TYW1B: variants seen among roughly 807,000 people sequenced by gnomAD.
TYW1B encodes tRNA-yW synthesizing protein 1 homolog B.
TYW1B carries 73 observed loss-of-function variants against 86.9 expected under a neutral mutation model. The observed-to-expected ratio is 0.84, with a 90% confidence interval of 0.70 to 1.02. TYW1B has a LOEUF of 1.02. Among genes scored for constraint, TYW1B ranks in the 50% least tolerant of loss-of-function variants. The pLI is 0.00. For synonymous variants in TYW1B, 248 were observed against 292.8 expected (o/e 0.85, Z 1.56); for missense variants, 637 against 827.4 (o/e 0.77, Z 2.82).
At chr7:72,760,725 T>C (rs1274447216) in intron 7 of TYW1B, among the ~76,000 whole-genome samples, 4 of 152,172 alleles carry the variant, frequency 2.6e-5, no homozygotes, top group Admixed American at 2.0e-4. Context: ...AAAATTAAAA[T>C]ATCTTCAAAT....
At chr7:72,667,556 A>T (rs1813496811) in intron 11 of TYW1B, among the ~76,000 whole-genome samples, 1 of 152,164 alleles carries the variant, frequency 6.6e-6, no homozygotes, top group African/African-American at 2.4e-5. Context: ...TCTATAAAAA[A>T]TACAAAAATT....
At chr7:72,659,670 C>T (rs561770163) in intron 11 of TYW1B, among the ~76,000 whole-genome samples, 71 of 152,110 alleles carry the variant, frequency 4.7e-4, no homozygotes, top group Non-Finnish European at 9.6e-4. Context: ...GGTGTGCAAA[C>T]CGGGTGGTGG....
chr7:72,821,462 G>C (rs186127577), intron 2 of TYW1B, among the ~76,000 whole-genome samples: 2 of 152,376 alleles, frequency 1.3e-5, no homozygotes, highest in East Asian at 3.9e-4. Flanking sequence ...AAACAATTCT[G>C]TAATCCTCAT....
intron 9 of TYW1B, among the ~76,000 whole-genome samples, chr7:72,719,631 C>CAAAAA (rs67560586): frequency 3.2e-4 from 21 of 64,936 alleles, no homozygotes; most frequent in Non-Finnish European, 3.8e-4. Context: ...ATTCCGTCTC[C>CAAAAA]AAAAAAAAAA....
intron 10 of TYW1B, among the ~76,000 whole-genome samples, chr7:72,701,650 T>G (rs1814477993): frequency 6.6e-6 from 1 of 152,212 alleles, no homozygotes. Flanking sequence ...ACTTTGGTTT[T>G]GGGCATATTG....
intron 13 of TYW1B, among the ~76,000 whole-genome samples, chr7:72,592,483 T>C (rs1200226223): frequency 6.6e-6 from 1 of 151,964 alleles, no homozygotes; most frequent in African/African-American, 2.4e-5. Context: ...ATTCAGAAAA[T>C]GAGACAAAAA....
chr7:72,653,377 C>G (rs528858466), intron 11 of TYW1B, among the ~76,000 whole-genome samples: 1 of 152,022 alleles, frequency 6.6e-6, no homozygotes, highest in Non-Finnish European at 1.5e-5. Context: ...GAGGCCGAGG[C>G]GGGCGGATCA....
At chr7:72,776,854 G>A (rs1447951353) in intron 7 of TYW1B, among the ~76,000 whole-genome samples, 5 of 151,684 alleles carry the variant, frequency 3.3e-5, no homozygotes, top group Non-Finnish European at 5.9e-5. Context: ...GTACCAGACC[G>A]ACAGTTTCTT....
chr7:72,679,960 T>C (rs558652401), intron 11 of TYW1B, among the ~76,000 whole-genome samples: 8 of 152,262 alleles, frequency 5.3e-5, no homozygotes, highest in Admixed American at 2.6e-4. Flanking sequence ...TGAGACCGTA[T>C]CTCTACAAAA....
intron 9 of TYW1B, among the ~76,000 whole-genome samples, chr7:72,714,798 T>A (rs1786747431): frequency 6.6e-6 from 1 of 152,112 alleles, no homozygotes; most frequent in African/African-American, 2.4e-5. Context: ...ATGCCAGTAA[T>A]CCCAGCTACT....
At chr7:72,733,257 G>A (rs2129571128) in intron 8 of TYW1B, among the ~76,000 whole-genome samples, 1 of 151,690 alleles carries the variant, frequency 6.6e-6, no homozygotes, top group Non-Finnish European at 1.5e-5. Flanking sequence ...GAAATTCTTA[G>A]AAACTCAGTA....
intron 10 of TYW1B, among the ~76,000 whole-genome samples, chr7:72,711,161 T>A (rs1786652642): frequency 6.6e-6 from 1 of 152,106 alleles, no homozygotes; most frequent in African/African-American, 2.4e-5. Flanking sequence ...CAGTGGGCCT[T>A]AATAAGCACA....
At chr7:72,709,527 G>A (rs1814696223) in intron 10 of TYW1B, among the ~76,000 whole-genome samples, 2 of 152,296 alleles carry the variant, frequency 1.3e-5, no homozygotes, top group Admixed American at 1.3e-4. Context: ...AATTAGCTGG[G>A]GGTGGTGGTG....
chr7:72,631,005 A>T (rs1236638356), intron 11 of TYW1B, among the ~76,000 whole-genome samples: 1 of 152,194 alleles, frequency 6.6e-6, no homozygotes, highest in Non-Finnish European at 1.5e-5. Flanking sequence ...TCATTATACT[A>T]GTAGTTCAAC....
intron 6 of TYW1B, among the ~76,000 whole-genome samples, chr7:72,786,787 C>A (rs1554472534): frequency 2.6e-5 from 4 of 152,004 alleles, no homozygotes. Context: ...ATTGCCCAGG[C>A]TGGTCTCGAA....
intron 12 of TYW1B, among the ~76,000 whole-genome samples, chr7:72,626,568 T>C (rs1812353878): frequency 6.6e-6 from 1 of 152,166 alleles, no homozygotes; most frequent in South Asian, 2.1e-4. Context: ...TATGTCCCCT[T>C]TTCCCTCCTG....
intron 11 of TYW1B, among the ~76,000 whole-genome samples, chr7:72,630,463 C>A (rs1258649440): frequency 6.6e-6 from 1 of 151,258 alleles, no homozygotes; most frequent in Non-Finnish European, 1.5e-5. Context: ...AGGCTGCCAA[C>A]CCTCAAACCA....
At chr7:72,722,452 A>G (rs1786922036) in intron 9 of TYW1B, among the ~76,000 whole-genome samples, 1 of 152,200 alleles carries the variant, frequency 6.6e-6, no homozygotes, top group South Asian at 2.1e-4. Flanking sequence ...CTGCCATGGT[A>G]GTACTTAGAA....
chr7:72,731,769 ACG>A (rs1787116284), intron 8 of TYW1B, among the ~76,000 whole-genome samples: 45 of 151,664 alleles, frequency 3.0e-4, no homozygotes, highest in Admixed American at 1.9e-3. Context: ...CGGTGAAACC[ACG>A]TCTCTACTAA....
Sources: allele counts gnomAD v4.1 joint callset (sites outside exome capture counted in the v4.1 genomes callset), GRCh38; gene constraint gnomAD v4.1.1; transcripts MANE v1.5; gene names NCBI Gene and HGNC (gene_info 2026-07-23, HGNC 2026-07-21).